The following FAM53B variants were observed in gnomAD, a reference collection of about 807,000 sequenced individuals.
FAM53B encodes protein FAM53B.
Under a neutral mutation model 32.7 loss-of-function variants are expected in FAM53B, and 12 were observed. That is an observed-to-expected ratio of 0.37 (90% CI 0.24 to 0.59). FAM53B has a LOEUF of 0.59. Among genes scored for constraint, FAM53B ranks in the 20% least tolerant of loss-of-function variants. The pLI, the probability that FAM53B is intolerant of heterozygous loss-of-function variation, is 0.72. For synonymous variants in FAM53B, 234 were observed against 228.7 expected, an observed-to-expected ratio of 1.02 and a Z score of -0.21; for missense variants, 477 against 577.7, an observed-to-expected ratio of 0.83 and a Z score of 1.79.
At chr10:124,632,373 C>A (rs75241621) in intron 4 of FAM53B, among the ~76,000 whole-genome samples, 2 of 152,276 alleles carry the variant, frequency 1.3e-5, no homozygotes, top group Non-Finnish European at 2.9e-5. Flanking sequence ...GAAGAGAATT[C>A]TTTGCCTAAC....
At chr10:124,735,367 TAA>T (rs372801250) in intron 1 of FAM53B, among the ~76,000 whole-genome samples, 1 of 152,090 alleles carries the variant, frequency 6.6e-6, no homozygotes, top group Non-Finnish European at 1.5e-5. Flanking sequence ...TCACTTTTGG[TAA>T]AAAAAGATTT....
intron 2 of FAM53B, among the ~76,000 whole-genome samples, chr10:124,701,702 G>T (rs562356694): frequency 3.3e-5 from 5 of 152,316 alleles, no homozygotes; most frequent in South Asian, 4.1e-4. Context: ...TGGCCAGAGT[G>T]GGGGAAAGGG....
chr10:124,702,406 T>A (rs1389968238), intron 2 of FAM53B, among the ~76,000 whole-genome samples: 1 of 152,256 alleles, frequency 6.6e-6, no homozygotes, highest in African/African-American at 2.4e-5. Flanking sequence ...AATGCTAGCA[T>A]CAGCTTATCT....
intron 1 of FAM53B, among the ~76,000 whole-genome samples, chr10:124,740,863 G>T (rs1423750855): frequency 6.6e-6 from 1 of 152,218 alleles, no homozygotes; most frequent in Admixed American, 6.5e-5. Context: ...CAAGGAGGAG[G>T]AGAGTCCAGC....
At chr10:124,683,812 C>A (rs972217315) in intron 3 of FAM53B, among the ~76,000 whole-genome samples, 1 of 152,208 alleles carries the variant, frequency 6.6e-6, no homozygotes, top group Admixed American at 6.5e-5. Context: ...TGAGATTTAA[C>A]CCATGAGTGC....
intron 4 of FAM53B, among the ~76,000 whole-genome samples, chr10:124,634,335 T>A (rs772154319): frequency 6.6e-6 from 1 of 152,206 alleles, no homozygotes; most frequent in African/African-American, 2.4e-5. Flanking sequence ...TCCATTGATA[T>A]GAAATGTCCA....
chr10:124,638,772 G>T (rs1949451047), intron 4 of FAM53B, among the ~76,000 whole-genome samples: 1 of 152,236 alleles, frequency 6.6e-6, no homozygotes. Flanking sequence ...GACCAGCAAG[G>T]CTTGGCCAGC....
chr10:124,713,665 G>A (rs1423004441), intron 1 of FAM53B: 2 of 152,208 alleles, frequency 1.3e-5, no homozygotes, highest in Non-Finnish European at 2.9e-5. Flanking sequence ...GCATTTTGAA[G>A]GGCTATCCCT....
At chr10:124,646,675 G>A (rs1285438638) in intron 4 of FAM53B, among the ~76,000 whole-genome samples, 1 of 152,220 alleles carries the variant, frequency 6.6e-6, no homozygotes, top group Non-Finnish European at 1.5e-5. Context: ...TCCTGCTGCT[G>A]GGAGACCTGG....
intron 2 of FAM53B, among the ~76,000 whole-genome samples, chr10:124,700,662 G>GA (rs1416767629): frequency 6.6e-6 from 1 of 152,244 alleles, no homozygotes; most frequent in Non-Finnish European, 1.5e-5. Flanking sequence ...TCTGACTAAA[G>GA]AAAGCAGCCC....
At chr10:124,673,233 C>A (rs1441704766) in intron 4 of FAM53B, among the ~76,000 whole-genome samples, 1 of 152,118 alleles carries the variant, frequency 6.6e-6, no homozygotes, top group Non-Finnish European at 1.5e-5. Context: ...CCATGCTGCT[C>A]ACTGTTGTCC....
intron 1 of FAM53B, among the ~76,000 whole-genome samples, chr10:124,741,679 G>A (rs1950200539): frequency 6.6e-6 from 1 of 152,150 alleles, no homozygotes; most frequent in Non-Finnish European, 1.5e-5. Flanking sequence ...GAAAGAGAAA[G>A]ACTAAAAGAT....
At chr10:124,713,883 T>C (rs1950022332) in intron 1 of FAM53B, 1 of 152,202 alleles carries the variant, frequency 6.6e-6, no homozygotes, top group African/African-American at 2.4e-5. Flanking sequence ...GAGCTTCCAT[T>C]TCCCCCTCCC....
chr10:124,716,713 AAAG>A (rs1229418358), intron 1 of FAM53B, among the ~76,000 whole-genome samples: 4 of 152,178 alleles, frequency 2.6e-5, no homozygotes, highest in East Asian at 1.9e-4. Flanking sequence ...AAACACTATG[AAAG>A]AAGAGCTTGC....
chr10:124,693,553 G>A (rs1342756220), intron 3 of FAM53B, among the ~76,000 whole-genome samples: 5 of 152,014 alleles, frequency 3.3e-5, no homozygotes, highest in South Asian at 2.1e-4. Context: ...TGGAGCACAC[G>A]GAGGACTGGA....
At chr10:124,635,713 C>T (rs1949425754) in intron 4 of FAM53B, among the ~76,000 whole-genome samples, 1 of 152,122 alleles carries the variant, frequency 6.6e-6, no homozygotes, top group South Asian at 2.1e-4. Flanking sequence ...CTGCAGAAGA[C>T]GGATCTCCCA....
At chr10:124,696,992 G>T (rs1158509512) in intron 2 of FAM53B, among the ~76,000 whole-genome samples, 1 of 152,110 alleles carries the variant, frequency 6.6e-6, no homozygotes, top group African/African-American at 2.4e-5. Flanking sequence ...CCAAATCCAG[G>T]GCACTTGCTC....
At position 124,623,285 on chromosome 10, in the gene FAM53B, G is replaced by A. The variant is rs1949323522; in HGVS notation, c.1226C>T (p.Ser409Phe). The change falls in exon 5 of 5, where the codon TCC (serine) becomes TTC (phenylalanine). Residue 409 changes from serine to phenylalanine, a missense_variant. Ser to Phe is a radical substitution (Grantham distance 155, BLOSUM62 -2). Transcript: ENST00000337318. ...CTCAATGTCCAACTCGCCGTCCAGG[G>A]AGCAGAGGCTGTTCCCAGGGGCCCC... The part of the protein sequence containing the change: ...DRGAPGNSLC[S>F]LDGELDIEQI... 6.2e-7 allele frequency: 1 copy of A among 1,611,884 alleles called. No homozygotes were observed.
At chr10:124,681,540 G>C in intron 4 of FAM53B, 67 bp downstream of exon 4, 1 of 1,403,668 alleles carries the variant, frequency 7.1e-7, no homozygotes, top group Non-Finnish European at 9.5e-7. Context: ...TGCTTGTCTA[G>C]GACGGCCCAG....
Sources: allele counts gnomAD v4.1 joint callset (sites outside exome capture counted in the v4.1 genomes callset), GRCh38; gene constraint gnomAD v4.1.1; transcripts MANE v1.5; gene names NCBI Gene and HGNC (gene_info 2026-07-23, HGNC 2026-07-21).